Variants in OPA3 observed in about 807,000 individuals in gnomAD.
OPA3 encodes optic atrophy 3 protein.
In OPA3, 6 loss-of-function variants were observed where a neutral mutation model predicts 4.0. That is an observed-to-expected ratio of 1.51 (90% CI 0.83 to 2.99). The LOEUF (loss-of-function observed/expected upper bound fraction) is 2.99, where lower values mean the gene tolerates loss of function less well. Among genes scored for constraint, OPA3 ranks in the 30% most tolerant of loss-of-function variants. The pLI is 0.00. For synonymous variants in OPA3, 105 were observed against 117.1 expected (o/e 0.90, Z 0.67); for missense variants, 235 against 256.2 (o/e 0.92, Z 0.56).
At chr19:45,564,379 A>G (rs1969551955) in intron 1 of OPA3, among the ~76,000 whole-genome samples, 1 of 152,156 alleles carries the variant, frequency 6.6e-6, no homozygotes, top group South Asian at 2.1e-4. Context: ...AGGACCACAC[A>G]TGCAAAGTGA....
chr19:45,572,459 A>G (rs1969689342), intron 1 of OPA3, among the ~76,000 whole-genome samples: 1 of 134,350 alleles, frequency 7.4e-6, no homozygotes, highest in South Asian at 2.3e-4. Context: ...TATGATATAT[A>G]TCATATATCA....
At chr19:45,538,841 C>T (rs1203593125) in intron 1 of OPA3, among the ~76,000 whole-genome samples, 2 of 152,136 alleles carry the variant, frequency 1.3e-5, no homozygotes, top group Non-Finnish European at 2.9e-5. Flanking sequence ...CAGTGAACAA[C>T]CACTAATGCT....
At chr19:45,533,783 A>T (rs1969086190) in intron 1 of OPA3, among the ~76,000 whole-genome samples, 8 of 152,124 alleles carry the variant, frequency 5.3e-5, no homozygotes, top group Admixed American at 5.2e-4. Context: ...AAACCCAGGG[A>T]TTGGTTTCAC....
chr19:45,566,211 G>A (rs539785889), intron 1 of OPA3, among the ~76,000 whole-genome samples: 1 of 133,910 alleles, frequency 7.5e-6, no homozygotes, highest in South Asian at 2.5e-4. Flanking sequence ...GTGCAAAGGC[G>A]CAATCTCAGC....
rs1464849282 is a variant in OPA3 at position 45,553,050 on chromosome 19, G to T, written c.*464C>A. 6 of 1,029,802 alleles carry T rather than the reference G, an allele frequency of 5.8e-6. No individual in the cohort carries two copies. Among genetic ancestry groups the T allele is most frequent in the Non-Finnish European group, 5.8e-6 (5 of 856,932 alleles). 63.8% of individuals were successfully genotyped at this position (1,029,802 alleles called of 1,614,324 possible). ...ACCTTAGAAGGTGAGGGGGAGAAAA[G>T]GCCACTGCAACACACTGCATTTCCT... is the stretch of plus-strand genomic sequence containing the variant. On this transcript the variant is annotated 3_prime_UTR_variant, in exon 2 of 2. Transcript: ENST00000263275.
At position 45,553,894 on chromosome 19, in the gene OPA3, T is replaced by C; in HGVS notation, c.160A>G (p.Met54Val). The C allele has an allele frequency of 6.2e-7, 1 of 1,609,022 alleles. No homozygotes were observed. Among genetic ancestry groups the C allele is most frequent in the Non-Finnish European group, 8.5e-7 (1 of 1,176,304 alleles). The change falls in exon 2 of 2, where the codon ATG (methionine) becomes GTG (valine). Residue 54 changes from methionine (M) to valine (V), a missense_variant. By Grantham distance (21) the Met-to-Val change is conservative. Transcript: ENST00000263275. ...CCCATGATGCGCATCTTGGTCCGCA[T>C]CTCCACCCAGTGATACACTGCGGGG... ...PPAQLYHWVE[M>V]RTKMRIMGFR... is the part of the protein sequence containing the mutation.
chr19:45,528,813 T>G, exon 2 of OPA3: 1 of 474,202 alleles, frequency 2.1e-6, no homozygotes, highest in Non-Finnish European at 3.7e-6. Flanking sequence ...CGGGGTGGGA[T>G]AGGGCGGGGT....
intron 1 of OPA3, among the ~76,000 whole-genome samples, chr19:45,532,600 T>A (rs933214892): frequency 1.3e-5 from 2 of 152,182 alleles, no homozygotes; most frequent in Non-Finnish European, 2.9e-5. Context: ...CCATTGCTCC[T>A]TTTTGTTACA....
At chr19:45,541,407 A>T (rs1969184011), downstream of OPA3, among the ~76,000 whole-genome samples, 1 of 151,976 alleles carries the variant, frequency 6.6e-6, no homozygotes, top group Non-Finnish European at 1.5e-5. Context: ...ATACAGAGTC[A>T]CCCCTCATTT....
chr19:45,556,610 A>G (rs942332405), intron 1 of OPA3, among the ~76,000 whole-genome samples: 1 of 152,146 alleles, frequency 6.6e-6, no homozygotes, highest in East Asian at 1.9e-4. Flanking sequence ...ATCCTGCCTC[A>G]GCCTCCCAAA....
rs566392487 is a variant in OPA3, at chr19:45,546,792, T to G, written c.*6722A>C. On this transcript the variant is annotated 3_prime_UTR_variant, in exon 2 of 2. Coordinates refer to ENST00000263275, the MANE Select transcript of OPA3 (RefSeq NM_025136.4). ...GCAATTCTCCTATGTCAGCCTCTCATGTAGCTGGGATTACAGATGTGCACC... is the reference window on the plus strand; with the variant it reads ...GCAATTCTCCTATGTCAGCCTCTCAGGTAGCTGGGATTACAGATGTGCACC... 6.6e-6 allele frequency: 1 copy of G among 152,222 alleles called. No homozygotes were observed. The highest frequency in any genetic ancestry group is 2.1e-4 in the South Asian group (1 of 4,818). 9.4% of individuals were successfully genotyped at this position (152,222 alleles called of 1,614,324 possible). A position where few individuals can be genotyped will look rare whatever the true frequency, so the allele number is the denominator to read the frequency against.
chr19:45,548,555 G>C lies in OPA3; in HGVS notation c.*4959C>G. On this transcript the variant is annotated 3_prime_UTR_variant, in exon 2 of 2. Transcript: ENST00000263275. The stretch of plus-strand genomic sequence containing the variant: ...GAAATGTACGTGTGAGCATCTGTAA[G>C]ACCCGGTGACGGCAGGGCTGGGGCT... The C allele has an allele frequency of 1.0e-6, 1 of 985,442 alleles. No homozygotes were observed. The highest frequency in any genetic ancestry group is 1.2e-6 in the Non-Finnish European group (1 of 829,942). 61.0% of individuals were successfully genotyped at this position (985,442 alleles called of 1,614,324 possible).
At chr19:45,568,430 T>C (rs1969614269) in intron 1 of OPA3, among the ~76,000 whole-genome samples, 1 of 152,104 alleles carries the variant, frequency 6.6e-6, no homozygotes, top group Admixed American at 6.6e-5. Flanking sequence ...CCTCAGGTGA[T>C]CCGCCCACCT....
At chr19:45,583,688 G>A (rs1969889145) in intron 1 of OPA3, among the ~76,000 whole-genome samples, 1 of 151,820 alleles carries the variant, frequency 6.6e-6, no homozygotes, top group South Asian at 2.1e-4. Context: ...TTTTAGTACA[G>A]ACCGGGTTTC....
chr19:45,562,072 C>T (rs1023600149), intron 1 of OPA3, among the ~76,000 whole-genome samples: 1 of 151,886 alleles, frequency 6.6e-6, no homozygotes, highest in Admixed American at 6.6e-5. Context: ...TAGGGCCAGG[C>T]ATTATGGCTC....
downstream of OPA3, among the ~76,000 whole-genome samples, chr19:45,545,540 AAAC>A (rs1274819064): frequency 5.3e-5 from 8 of 151,656 alleles, no homozygotes; most frequent in African/African-American, 1.9e-4. Context: ...AAAATGAAAC[AAAC>A]AAATGGAAAA....
chr19:45,553,352 T>C lies in OPA3; in HGVS notation c.*162A>G. 1 of 1,510,064 alleles carries C rather than the reference T, an allele frequency of 6.6e-7. No homozygotes were observed. Among genetic ancestry groups the C allele is most frequent in the Non-Finnish European group, 8.8e-7 (1 of 1,133,746 alleles). 93.5% of individuals were successfully genotyped at this position (1,510,064 alleles called of 1,614,324 possible). On this transcript the variant is annotated 3_prime_UTR_variant, in exon 2 of 2. Transcript: ENST00000263275. Reference sequence around the variant, plus strand: ...GCAACGCTTCACCTGCTGGTCCCAGTGGCAGGTAACGGCTGCTCTTATCAG... The same window carrying C: ...GCAACGCTTCACCTGCTGGTCCCAGCGGCAGGTAACGGCTGCTCTTATCAG...
At chr19:45,572,559 G>GTATATAAA (rs1969694214) in intron 1 of OPA3, among the ~76,000 whole-genome samples, 2 of 98,324 alleles carry the variant, frequency 2.0e-5, no homozygotes, top group Admixed American at 1.2e-4. Flanking sequence ...TATCATATAT[G>GTATATAAA]GATATATATC....
At chr19:45,540,759 C>A (rs566396007) in intron 1 of OPA3, among the ~76,000 whole-genome samples, 1 of 151,354 alleles carries the variant, frequency 6.6e-6, no homozygotes, top group South Asian at 2.1e-4. Flanking sequence ...GCCAAGATGG[C>A]ACCACTGCAC....
Sources: allele counts gnomAD v4.1 joint callset (sites outside exome capture counted in the v4.1 genomes callset), GRCh38; gene constraint gnomAD v4.1.1; transcripts MANE v1.5; gene names NCBI Gene and HGNC (gene_info 2026-07-23, HGNC 2026-07-21).